The following ZFPM2 variants were observed in gnomAD, a reference collection of about 807,000 sequenced individuals.
ZFPM2 encodes zinc finger protein ZFPM2.
A neutral mutation model predicts 98.6 loss-of-function variants in ZFPM2; 20 were observed. That is an observed-to-expected ratio of 0.20 (90% CI 0.14 to 0.29). The LOEUF is 0.29. Ranked by LOEUF, ZFPM2 falls within the 10% of genes least tolerant of loss-of-function variation. The pLI is 1.00. For missense variants in ZFPM2, 1,310 were observed against 1,388.6 expected (o/e 0.94, Z 0.90); for synonymous variants, 518 against 502.7 (o/e 1.03, Z -0.41).
intron 1 of ZFPM2, among the ~76,000 whole-genome samples, chr8:105,364,805 C>T (rs1384170515): frequency 2.6e-5 from 4 of 152,040 alleles, no homozygotes; most frequent in Admixed American, 6.6e-5. Flanking sequence ...GCAACCAGCT[C>T]GAACGGACAA....
chr8:105,722,217 C>T (rs906109118), intron 5 of ZFPM2, among the ~76,000 whole-genome samples: 41 of 151,874 alleles, frequency 2.7e-4, no homozygotes, highest in African/African-American at 9.4e-4. Context: ...CCTTCCCCAC[C>T]CTGCTTCCTG....
At chr8:105,710,464 G>A (rs1048380678) in intron 5 of ZFPM2, among the ~76,000 whole-genome samples, 3 of 152,050 alleles carry the variant, frequency 2.0e-5, no homozygotes, top group Non-Finnish European at 2.9e-5. Flanking sequence ...TAAGCAGATG[G>A]TGAAAGGAAA....
chr8:105,467,001 C>T (rs1409942802), intron 3 of ZFPM2, among the ~76,000 whole-genome samples: 1 of 152,028 alleles, frequency 6.6e-6, no homozygotes, highest in Non-Finnish European at 1.5e-5. Flanking sequence ...TCAGTTTCCT[C>T]ATGGAAATGA....
At chr8:105,613,942 T>C (rs777879535) in intron 4 of ZFPM2, among the ~76,000 whole-genome samples, 1 of 152,158 alleles carries the variant, frequency 6.6e-6, no homozygotes, top group African/African-American at 2.4e-5. Flanking sequence ...GAATTCCATC[T>C]TCACCTCTGA....
intron 4 of ZFPM2, among the ~76,000 whole-genome samples, chr8:105,582,649 A>G (rs541602935): frequency 6.6e-6 from 1 of 152,242 alleles, no homozygotes; most frequent in African/African-American, 2.4e-5. Flanking sequence ...GCCAGAGTGC[A>G]GCAGCGCAAT....
At chr8:105,530,181 A>G (rs1384503644) in intron 3 of ZFPM2, among the ~76,000 whole-genome samples, 3 of 152,116 alleles carry the variant, frequency 2.0e-5, no homozygotes, top group African/African-American at 7.2e-5. Context: ...AGGTGTGCTG[A>G]TAGCTGCCCC....
At chr8:105,665,056 G>C (rs1817463521) in intron 5 of ZFPM2, among the ~76,000 whole-genome samples, 1 of 152,168 alleles carries the variant, frequency 6.6e-6, no homozygotes, top group East Asian at 1.9e-4. Flanking sequence ...CTGGAGGCTG[G>C]GAAGTCCAAG....
intron 5 of ZFPM2, among the ~76,000 whole-genome samples, chr8:105,693,354 T>C (rs1051938742): frequency 4.6e-5 from 7 of 152,166 alleles, no homozygotes; most frequent in African/African-American, 1.7e-4. Flanking sequence ...TGTCGGCAAC[T>C]CGCGTTGGGA....
At chr8:105,321,494 G>C (rs942973125) in intron 1 of ZFPM2, among the ~76,000 whole-genome samples, 11 of 152,136 alleles carry the variant, frequency 7.2e-5, no homozygotes, top group Non-Finnish European at 1.5e-5. Context: ...TGGCACTGCT[G>C]ATAAAACATA....
Position 105,802,233 on chromosome 8 carries a change from A to G in ZFPM2, c.2151A>G (p.Pro717=). The G allele has an allele frequency of 6.2e-7, 1 of 1,613,898 alleles. No individual in the cohort carries two copies. Among genetic ancestry groups the G allele is most frequent in the Middle Eastern group, 1.6e-4 (1 of 6,062 alleles). ...QYYCATRHDP[P]LKRSASNKVP... ...ACTGTGCTACACGCCACGACCCTCC[A>G]CTGAAGAGGTCTGCTTCCAACAAAG... Residue 717 remains proline (P), a synonymous_variant, in exon 8 of 8, where the codon CCA becomes CCG. Coordinates refer to ENST00000407775, the MANE Select transcript of ZFPM2 (RefSeq NM_012082.4).
At chr8:105,656,992 C>T (rs1448683244) in intron 5 of ZFPM2, among the ~76,000 whole-genome samples, 20 of 152,150 alleles carry the variant, frequency 1.3e-4, no homozygotes. Flanking sequence ...CTCTCTTTCC[C>T]TTTTTTGTTG....
chr8:105,762,662 T>TTTA (rs1269202344), intron 5 of ZFPM2, among the ~76,000 whole-genome samples: 3 of 151,842 alleles, frequency 2.0e-5, no homozygotes, highest in African/African-American at 7.3e-5. Context: ...ATTTATAGTT[T>TTTA]TTATTTTTAA....
chr8:105,704,296 A>G (rs1013902941), intron 5 of ZFPM2, among the ~76,000 whole-genome samples: 4 of 152,224 alleles, frequency 2.6e-5, no homozygotes, highest in African/African-American at 9.6e-5. Flanking sequence ...CAAAAATTAG[A>G]AAACTATCTG....
intron 3 of ZFPM2, among the ~76,000 whole-genome samples, chr8:105,480,656 G>GA (rs1813096750): frequency 6.6e-6 from 1 of 151,800 alleles, no homozygotes; most frequent in Non-Finnish European, 1.5e-5. Context: ...TGCAAAAGTT[G>GA]AAAAGAGCCC....
intron 5 of ZFPM2, among the ~76,000 whole-genome samples, chr8:105,778,755 A>G (rs1204476028): frequency 6.6e-6 from 1 of 152,200 alleles, no homozygotes; most frequent in African/African-American, 2.4e-5. Context: ...AGTATATGGT[A>G]TAGCATATTT....
At chr8:105,476,412 A>T (rs1213152726) in intron 3 of ZFPM2, among the ~76,000 whole-genome samples, 1 of 152,164 alleles carries the variant, frequency 6.6e-6, no homozygotes, top group Admixed American at 6.5e-5. Context: ...TGATAATCTA[A>T]CTAATGCCTG....
chr8:105,416,185 A>G (rs959559665), intron 1 of ZFPM2, among the ~76,000 whole-genome samples: 1 of 151,636 alleles, frequency 6.6e-6, no homozygotes, highest in Non-Finnish European at 1.5e-5. Context: ...TTGCCATAAC[A>G]TGACTTTGAC....
intron 3 of ZFPM2, among the ~76,000 whole-genome samples, chr8:105,451,403 A>G (rs141084713): frequency 1.2e-4 from 18 of 152,286 alleles, no homozygotes; most frequent in Non-Finnish European, 1.5e-4. Flanking sequence ...GTTGGGTTCT[A>G]TACCGCCAAA....
At chr8:105,423,408 C>T (rs925302089) in intron 2 of ZFPM2, among the ~76,000 whole-genome samples, 1 of 152,114 alleles carries the variant, frequency 6.6e-6, no homozygotes, top group Non-Finnish European at 1.5e-5. Flanking sequence ...TTGAAATTTA[C>T]TTTGATACCT....
Sources: allele counts gnomAD v4.1 joint callset (sites outside exome capture counted in the v4.1 genomes callset), GRCh38; gene constraint gnomAD v4.1.1; transcripts MANE v1.5; gene names NCBI Gene and HGNC (gene_info 2026-07-23, HGNC 2026-07-21).